LRMDA: variants seen among roughly 807,000 people sequenced by gnomAD.
The protein encoded by LRMDA is leucine-rich melanocyte differentiation-associated protein.
LRMDA carries 18 observed loss-of-function variants against 29.8 expected under a neutral mutation model. The ratio of observed to expected loss-of-function variants is 0.60; its 90% CI spans 0.42 to 0.90. The LOEUF (loss-of-function observed/expected upper bound fraction) is 0.90, where lower values mean the gene tolerates loss of function less well. LRMDA is among the 40% of genes least tolerant of loss of function. The probability of loss-of-function intolerance (pLI) is 0.00; values close to 1 mark genes in which losing one functional copy is unlikely to be tolerated. For synonymous variants in LRMDA, 125 were observed against 109.4 expected (o/e 1.14, Z -0.89); for missense variants, 273 against 273.9 (o/e 1.00, Z 0.02).
chr10:75,742,822 G>T (rs1842846392), intron 2 of LRMDA: 1 of 152,222 alleles, frequency 6.6e-6, no homozygotes, highest in African/African-American at 2.4e-5. Context: ...TCTGGTGGTT[G>T]GCATGGGGAT....
At chr10:75,465,014 G>C (rs574631682) in intron 2 of LRMDA, among the ~76,000 whole-genome samples, 1 of 152,088 alleles carries the variant, frequency 6.6e-6, no homozygotes, top group Non-Finnish European at 1.5e-5. Flanking sequence ...CTTCCCTGGG[G>C]CCTCTTCCTT....
chr10:76,005,509 A>T lies in LRMDA; in HGVS notation c.132-30499A>T, dbSNP rs145103859. Among the ~76,000 whole-genome samples, 262 of 152,306 alleles carry T rather than the reference A, an allele frequency of 1.7e-3. 1 individual carries two copies. The highest frequency in any genetic ancestry group is 6.0e-3 in the African/African-American group (251 of 41,556). ...GCACATGTAGTTCCAGCTACTTGTG[A>T]GGCTGAGACGGGAGGAGCACTTGAG... is the stretch of plus-strand genomic sequence containing the variant. On this transcript the variant is annotated intron_variant, in intron 2 of 6. Coordinates refer to ENST00000611255, the MANE Select transcript of LRMDA (RefSeq NM_001305581.2).
intron 5 of LRMDA, among the ~76,000 whole-genome samples, chr10:76,092,730 G>A (rs1285305850): frequency 6.6e-6 from 1 of 152,158 alleles, no homozygotes; most frequent in African/African-American, 2.4e-5. Context: ...AAAAGCAAGT[G>A]TGTATGGAAT....
intron 5 of LRMDA, among the ~76,000 whole-genome samples, chr10:76,107,181 A>C (rs1405381136): frequency 6.6e-6 from 1 of 152,148 alleles, no homozygotes; most frequent in African/African-American, 2.4e-5. Flanking sequence ...GTTGCTCATT[A>C]GATCTCTTTT....
chr10:75,894,247 T>C (rs1033504895), intron 2 of LRMDA, among the ~76,000 whole-genome samples: 4 of 152,106 alleles, frequency 2.6e-5, no homozygotes, highest in African/African-American at 9.7e-5. Flanking sequence ...CATCATAGCT[T>C]AGCTCCCACA....
intron 2 of LRMDA, among the ~76,000 whole-genome samples, chr10:75,592,190 T>A (rs1840731487): frequency 6.7e-6 from 1 of 150,324 alleles, no homozygotes; most frequent in East Asian, 2.0e-4. Context: ...GGAGGAGGAG[T>A]GGTGAGAGCC....
intron 5 of LRMDA, among the ~76,000 whole-genome samples, chr10:76,322,194 C>T (rs1840779891): frequency 6.6e-6 from 1 of 152,176 alleles, no homozygotes; most frequent in South Asian, 2.1e-4. Context: ...TTCTTGTCCA[C>T]TTCTTTCCTA....
intron 5 of LRMDA, among the ~76,000 whole-genome samples, chr10:76,196,919 A>G (rs1300765351): frequency 6.6e-6 from 1 of 152,118 alleles, no homozygotes; most frequent in African/African-American, 2.4e-5. Flanking sequence ...TGGCTACCTT[A>G]TGGTGCAACC....
At chr10:76,527,432 C>T (rs1300500463) in intron 6 of LRMDA, among the ~76,000 whole-genome samples, 1 of 152,152 alleles carries the variant, frequency 6.6e-6, no homozygotes, top group Non-Finnish European at 1.5e-5. Flanking sequence ...GCAGATTGAA[C>T]TTTTGGAGAC....
chr10:76,133,012 A>G (rs1455231478), intron 5 of LRMDA, among the ~76,000 whole-genome samples: 9 of 115,332 alleles, frequency 7.8e-5, no homozygotes, highest in Admixed American at 1.1e-4. Context: ...TAGTAGAGAC[A>G]GGGTTTCACC....
At chr10:76,167,392 G>A (rs1850760090) in intron 5 of LRMDA, among the ~76,000 whole-genome samples, 1 of 151,892 alleles carries the variant, frequency 6.6e-6, no homozygotes, top group African/African-American at 2.4e-5. Flanking sequence ...CTGTTCCTAT[G>A]TGCAGAATAG....
intron 6 of LRMDA, among the ~76,000 whole-genome samples, chr10:76,465,541 G>T (rs889421890): frequency 6.6e-6 from 1 of 152,264 alleles, no homozygotes; most frequent in Non-Finnish European, 1.5e-5. Context: ...GAAAGTGAAG[G>T]ATGTGTCTAA....
At chr10:76,421,218 G>A (rs1842068700) in intron 6 of LRMDA, among the ~76,000 whole-genome samples, 1 of 152,042 alleles carries the variant, frequency 6.6e-6, no homozygotes, top group African/African-American at 2.4e-5. Context: ...TATACATTTA[G>A]AATTTCTACA....
intron 5 of LRMDA, among the ~76,000 whole-genome samples, chr10:76,198,763 G>C (rs1851375884): frequency 1.3e-5 from 2 of 152,122 alleles, no homozygotes; most frequent in African/African-American, 4.8e-5. Flanking sequence ...AATTATCCTA[G>C]GTGTTCTTTT....
chr10:76,078,853 AC>A (rs202066318), intron 5 of LRMDA, among the ~76,000 whole-genome samples: 17 of 126,612 alleles, frequency 1.3e-4, no homozygotes, highest in African/African-American at 3.7e-4. Context: ...AAACAAACAA[AC>A]AAAAAAAATG....
In LRMDA at chr10:76,012,696, T is replaced by A. The variant is rs143285048; in HGVS notation, c.132-23312T>A. Among the ~76,000 whole-genome samples, 784 of 152,306 alleles carry A rather than the reference T, an allele frequency of 5.1e-3. 3 individuals carry two copies. The highest frequency in any genetic ancestry group is 0.011 in the Admixed American group (168 of 15,298). On this transcript the variant is annotated intron_variant, in intron 2 of 6. Coordinates refer to ENST00000611255, the MANE Select transcript of LRMDA (RefSeq NM_001305581.2). ...GCACACATATGCATGTATGTGCGTG[T>A]GACAGACACTGAGTTAAACTCCTCA...
intron 6 of LRMDA, among the ~76,000 whole-genome samples, chr10:76,363,153 G>GA (rs1349753798): frequency 1.5e-4 from 6 of 39,392 alleles, no homozygotes; most frequent in African/African-American, 7.1e-4. Flanking sequence ...AAGAAAGAAA[G>GA]AAAGAAAGAA....
At chr10:75,868,575 C>T (rs1287653921) in intron 2 of LRMDA, among the ~76,000 whole-genome samples, 1 of 152,178 alleles carries the variant, frequency 6.6e-6, no homozygotes, top group Non-Finnish European at 1.5e-5. Flanking sequence ...TGTATTTCAG[C>T]TACAAAAACA....
chr10:76,327,810 A>G (rs943551560), intron 6 of LRMDA, among the ~76,000 whole-genome samples: 2 of 152,210 alleles, frequency 1.3e-5, no homozygotes, highest in African/African-American at 4.8e-5. Flanking sequence ...TGTTGCTTTC[A>G]TAAACCCAAA....
Sources: gnomAD v4.1 joint callset for allele counts (sites outside exome capture counted in the v4.1 genomes callset) on GRCh38, gnomAD v4.1.1 for gene constraint, MANE v1.5 for transcripts, NCBI Gene and HGNC (gene_info 2026-07-23, HGNC 2026-07-21) for gene names.